RNF169: variants seen among roughly 807,000 people sequenced by gnomAD.
RNF169 encodes ring finger protein 169, also known as E3 ubiquitin-protein ligase RNF169.
A neutral mutation model predicts 53.9 loss-of-function variants in RNF169; 24 were observed. The ratio of observed to expected loss-of-function variants is 0.45; its 90% CI spans 0.32 to 0.63. The LOEUF is 0.63. Among genes scored for constraint, RNF169 ranks in the 20% least tolerant of loss-of-function variants. RNF169 has a pLI of 0.04. For missense variants in RNF169, 883 were observed against 906.2 expected (o/e 0.97, Z 0.33); for synonymous variants, 396 against 363.5 (o/e 1.09, Z -1.02).
chr11:74,792,321 C>T (rs2035590430), intron 2 of RNF169, among the ~76,000 whole-genome samples: 1 of 152,068 alleles, frequency 6.6e-6, no homozygotes, highest in African/African-American at 2.4e-5. Context: ...AATTTTGAAG[C>T]TATCAGCTGG....
At chr11:74,817,433 G>A (rs1196466068) in intron 3 of RNF169, among the ~76,000 whole-genome samples, 163 bp from the exon 4 acceptor site, 1 of 152,178 alleles carries the variant, frequency 6.6e-6, no homozygotes, top group African/African-American at 2.4e-5. Context: ...TGGATATATT[G>A]AATTTGAACC....
At chr11:74,764,159 C>T (rs940667616) in intron 1 of RNF169, among the ~76,000 whole-genome samples, 1 of 152,232 alleles carries the variant, frequency 6.6e-6, no homozygotes, top group South Asian at 2.1e-4. Flanking sequence ...TATCTTTTAA[C>T]CTACAAGAGA....
intron 2 of RNF169, among the ~76,000 whole-genome samples, chr11:74,807,273 T>A (rs2035819203): frequency 6.6e-6 from 1 of 152,160 alleles, no homozygotes; most frequent in Non-Finnish European, 1.5e-5. Context: ...CTTTGGTCAA[T>A]GGGATGTGGG....
At chr11:74,752,729 C>CT (rs200332074) in intron 1 of RNF169, among the ~76,000 whole-genome samples, 15 of 150,514 alleles carry the variant, frequency 1.0e-4, no homozygotes, top group African/African-American at 9.7e-5. Flanking sequence ...CTGTAACTTG[C>CT]TTTTTTTTTG....
chr11:74,805,004 A>G (rs921600542), intron 2 of RNF169, among the ~76,000 whole-genome samples: 1 of 152,226 alleles, frequency 6.6e-6, no homozygotes, highest in African/African-American at 2.4e-5. Flanking sequence ...TTAAACATAC[A>G]CTTAACTGTG....
chr11:74,833,592 G>C (rs2036210320), intron 4 of RNF169, among the ~76,000 whole-genome samples: 1 of 151,802 alleles, frequency 6.6e-6, no homozygotes, highest in African/African-American at 2.4e-5. Flanking sequence ...GTATTTATTT[G>C]TCCACTGGAC....
chr11:74,776,947 T>C (rs2035345085), intron 1 of RNF169, among the ~76,000 whole-genome samples: 1 of 152,104 alleles, frequency 6.6e-6, no homozygotes, highest in African/African-American at 2.4e-5. Flanking sequence ...TGTTTACAAA[T>C]CTTGGAGGCA....
At chr11:74,755,282 A>G (rs1025372531) in intron 1 of RNF169, among the ~76,000 whole-genome samples, 15 of 152,232 alleles carry the variant, frequency 9.9e-5, no homozygotes, top group Non-Finnish European at 1.6e-4. Context: ...CTATTGAAGA[A>G]TAGCTCCAAT....
intron 1 of RNF169, among the ~76,000 whole-genome samples, chr11:74,758,746 C>T (rs188891418): frequency 0.011 from 1,711 of 152,234 alleles, 31 homozygotes; most frequent in African/African-American, 0.037. Flanking sequence ...CCTCGTGATC[C>T]GCCCACCTTG....
At chr11:74,828,176 C>G (rs1314108947) in intron 4 of RNF169, among the ~76,000 whole-genome samples, 3 of 152,058 alleles carry the variant, frequency 2.0e-5, no homozygotes, top group African/African-American at 7.2e-5. Flanking sequence ...ACTAGCATTC[C>G]TATACACCAG....
intron 3 of RNF169, among the ~76,000 whole-genome samples, chr11:74,811,625 A>G (rs765480816): frequency 1.3e-5 from 2 of 152,140 alleles, no homozygotes; most frequent in African/African-American, 2.4e-5. Flanking sequence ...AGTGCCACAT[A>G]CATGTGCAGC....
At position 74,804,140 on chromosome 11, in the gene RNF169, G is replaced by T. The variant is rs75475544; in HGVS notation, c.577-6044G>T. ...CTCTGGTTTCCTCCCGCATCTCAAA[G>T]ATGTGCATGATAGGCGAATTGGCAT... On this transcript the variant is annotated intron_variant, in intron 2 of 5. Transcript: ENST00000299563. Among the ~76,000 whole-genome samples the T allele has an allele frequency of 9.1e-4, 138 of 152,268 alleles. 2 individuals carry two copies. The East Asian group carries it at 0.019, about 21-fold the overall frequency.
In RNF169 at chr11:74,839,248, AG is replaced by A. The variant is rs1357276510; in HGVS notation, c.*2519del. 6.6e-6 allele frequency: 1 copy of A among 152,206 alleles called. No individual in the cohort carries two copies. Among genetic ancestry groups the A allele is most frequent in the Non-Finnish European group, 1.5e-5 (1 of 68,040 alleles). The allele number at this position is 152,206 out of a possible 1,614,324, so 9.4% of individuals were successfully genotyped here. On this transcript the variant is annotated 3_prime_UTR_variant, in exon 6 of 6. Transcript: ENST00000299563. Reference sequence around the variant, plus strand: ...GAGCAACAGTCCTTCAAATATAGGTAGAGTGGTCTAGGTTAAGGAGGGAGGA... The same window carrying A: ...GAGCAACAGTCCTTCAAATATAGGTAAGTGGTCTAGGTTAAGGAGGGAGGA...
chr11:74,791,444 C>T (rs1438864621), intron 2 of RNF169, among the ~76,000 whole-genome samples: 1 of 152,218 alleles, frequency 6.6e-6, no homozygotes, highest in Admixed American at 6.5e-5. Context: ...TGTACAGTAC[C>T]CACAGTGCCC....
chr11:74,762,616 C>G (rs983203326), intron 1 of RNF169, among the ~76,000 whole-genome samples: 5 of 152,214 alleles, frequency 3.3e-5, no homozygotes, highest in African/African-American at 9.7e-5. Context: ...GGAGCTGTTC[C>G]TATTCGGCCA....
At chr11:74,788,461 C>T (rs1286148084) in intron 1 of RNF169, among the ~76,000 whole-genome samples, 4 of 152,228 alleles carry the variant, frequency 2.6e-5, no homozygotes, top group African/African-American at 2.4e-5. Flanking sequence ...GGCATGATCT[C>T]GACTCACTGC....
intron 2 of RNF169, among the ~76,000 whole-genome samples, chr11:74,809,839 A>G (rs1023808473): frequency 6.6e-6 from 1 of 152,206 alleles, no homozygotes; most frequent in Non-Finnish European, 1.5e-5. Context: ...TTCTAGTCCA[A>G]TGCAGTTACA....
intron 2 of RNF169, among the ~76,000 whole-genome samples, chr11:74,808,824 G>C (rs552971108): frequency 7.5e-4 from 114 of 152,158 alleles, no homozygotes; most frequent in Non-Finnish European, 1.4e-3. Flanking sequence ...TCTTTTATGT[G>C]GGCAGTTAGT....
chr11:74,836,172 G>T lies in RNF169; in HGVS notation c.1569G>T (p.Glu523Asp). 6.2e-7 allele frequency: 1 copy of T among 1,614,190 alleles called. No individual in the cohort carries two copies. Among genetic ancestry groups the T allele is most frequent in the Non-Finnish European group, 8.5e-7 (1 of 1,180,038 alleles). Residue 523 changes from glutamate to aspartate, a missense_variant, in exon 6 of 6, where the codon GAG (glutamate) becomes GAT (aspartate). Transcript: ENST00000299563. The part of the protein sequence containing the change: ...EQDSDNKSST[E>D]IPLETCCSSE... ...ACAGTGATAATAAAAGTAGCACTGA[G>T]ATCCCACTGGAAACCTGCTGTTCCT...
Sources: allele counts gnomAD v4.1 joint callset (sites outside exome capture counted in the v4.1 genomes callset), GRCh38; gene constraint gnomAD v4.1.1; transcripts MANE v1.5; gene names NCBI Gene and HGNC (gene_info 2026-07-23, HGNC 2026-07-21).